Variants in RANBP17 observed in about 807,000 individuals in gnomAD.
RANBP17 encodes RAN binding protein 17, also known as ran-binding protein 17.
A neutral mutation model predicts 141.2 loss-of-function variants in RANBP17; 158 were observed. The observed-to-expected ratio is 1.12, with a 90% CI of 0.98 to 1.28. The LOEUF is 1.28. Ranked by LOEUF, RANBP17 falls within the 50% of genes most tolerant of loss-of-function variation. The probability of loss-of-function intolerance (pLI) is 0.00; values close to 1 mark genes in which losing one functional copy is unlikely to be tolerated. For synonymous variants in RANBP17, 430 were observed against 450.0 expected (o/e 0.96, Z 0.56); for missense variants, 1,438 against 1,290.7 (o/e 1.11, Z -1.75).
chr5:170,959,086 T>C (rs1234981460), intron 13 of RANBP17, among the ~76,000 whole-genome samples: 1 of 152,202 alleles, frequency 6.6e-6, no homozygotes, highest in Non-Finnish European at 1.5e-5. Flanking sequence ...ATAAATGTAA[T>C]CCACTAGTGC....
At chr5:171,184,699 C>T (rs1042878489) in intron 18 of RANBP17, among the ~76,000 whole-genome samples, 1 of 152,152 alleles carries the variant, frequency 6.6e-6, no homozygotes, top group East Asian at 1.9e-4. Context: ...TACATATGTA[C>T]CTCAAATATA....
intron 24 of RANBP17, among the ~76,000 whole-genome samples, chr5:171,262,845 T>C (rs1398544368): frequency 6.6e-6 from 1 of 152,204 alleles, no homozygotes; most frequent in Non-Finnish European, 1.5e-5. Context: ...GGTCCACGGC[T>C]GTCTTCTAGA....
intron 14 of RANBP17, among the ~76,000 whole-genome samples, chr5:171,092,476 A>G (rs979045252): frequency 6.6e-6 from 1 of 152,204 alleles, no homozygotes; most frequent in Non-Finnish European, 1.5e-5. Flanking sequence ...ATACTAAGAC[A>G]AAGAGGATCT....
intron 14 of RANBP17, among the ~76,000 whole-genome samples, chr5:171,088,514 T>G (rs1038092096): frequency 8.5e-5 from 13 of 152,348 alleles, no homozygotes; most frequent in Non-Finnish European, 1.9e-4. Flanking sequence ...TGGCCTGCCT[T>G]GCTAGATTGG....
At chr5:171,218,800 A>G (rs1245187445) in intron 21 of RANBP17, among the ~76,000 whole-genome samples, 1 of 147,830 alleles carries the variant, frequency 6.8e-6, no homozygotes, top group Non-Finnish European at 1.5e-5. Flanking sequence ...GTGTTTTTGC[A>G]TGTGAGATGG....
chr5:171,161,707 T>C (rs1033784887), intron 14 of RANBP17, among the ~76,000 whole-genome samples: 1 of 152,236 alleles, frequency 6.6e-6, no homozygotes, highest in Non-Finnish European at 1.5e-5. Context: ...TGTGGTTGCA[T>C]AGTACAAAAG....
At chr5:170,904,187 G>T (rs573768280) in intron 5 of RANBP17, 118 of 305,348 alleles carry the variant, frequency 3.9e-4, no homozygotes, top group Non-Finnish European at 6.2e-4. Flanking sequence ...AGACCAGCCT[G>T]TCCCTCCTGT....
At chr5:171,141,468 G>A (rs867830629) in intron 14 of RANBP17, among the ~76,000 whole-genome samples, 3 of 150,772 alleles carry the variant, frequency 2.0e-5, no homozygotes, top group African/African-American at 4.9e-5. Context: ...TTAGCCAGGC[G>A]TGGTGGTGGG....
chr5:171,224,418 G>A (rs970584725), intron 22 of RANBP17, among the ~76,000 whole-genome samples: 2 of 152,222 alleles, frequency 1.3e-5, no homozygotes, highest in East Asian at 3.9e-4. Context: ...CACTAGGGCT[G>A]TTAAGGGAAG....
At chr5:171,278,189 A>T (rs1466932846) in intron 25 of RANBP17, among the ~76,000 whole-genome samples, 2 of 151,884 alleles carry the variant, frequency 1.3e-5, no homozygotes, top group East Asian at 3.9e-4. Context: ...GTTCCTGACC[A>T]GCCTGGGCAA....
At chr5:171,202,184 A>C (rs1762335002) in intron 19 of RANBP17, among the ~76,000 whole-genome samples, 1 of 152,228 alleles carries the variant, frequency 6.6e-6, no homozygotes, top group Admixed American at 6.5e-5. Flanking sequence ...TTCTTAATAA[A>C]ATTGAAGAAA....
At chr5:170,992,006 A>G (rs1479456944) in intron 14 of RANBP17, among the ~76,000 whole-genome samples, 2 of 152,018 alleles carry the variant, frequency 1.3e-5, no homozygotes, top group Non-Finnish European at 2.9e-5. Flanking sequence ...TATGGTGATT[A>G]TACATGTTGT....
At chr5:171,051,371 A>G (rs1782940506) in intron 14 of RANBP17, among the ~76,000 whole-genome samples, 2 of 152,136 alleles carry the variant, frequency 1.3e-5, no homozygotes, top group South Asian at 2.1e-4. Context: ...CTTTGTACCT[A>G]TTAAGTAATC....
intron 14 of RANBP17, among the ~76,000 whole-genome samples, chr5:171,120,904 G>A (rs1755986771): frequency 3.9e-5 from 6 of 152,212 alleles, no homozygotes; most frequent in Non-Finnish European, 7.3e-5. Context: ...TTCATTGATA[G>A]ACAAAGATTT....
intron 14 of RANBP17, among the ~76,000 whole-genome samples, chr5:171,079,490 G>A (rs1785132765): frequency 2.0e-5 from 3 of 152,176 alleles, no homozygotes; most frequent in Admixed American, 6.5e-5. Flanking sequence ...ATTGTATGTT[G>A]CAGAGGAATT....
chr5:170,962,350 G>C (rs1776214439), intron 13 of RANBP17, among the ~76,000 whole-genome samples: 1 of 152,162 alleles, frequency 6.6e-6, no homozygotes, highest in Non-Finnish European at 1.5e-5. Flanking sequence ...CTTAAAATGA[G>C]TTGTAAAGGC....
chr5:171,160,314 A>G (rs1561717046), intron 14 of RANBP17, among the ~76,000 whole-genome samples: 2 of 152,144 alleles, frequency 1.3e-5, no homozygotes, highest in South Asian at 2.1e-4. Flanking sequence ...TCTAACTACT[A>G]CTAAAGCTAC....
chr5:171,279,068 A>ATCT (rs1208099110), intron 25 of RANBP17, among the ~76,000 whole-genome samples: 14 of 152,094 alleles, frequency 9.2e-5, no homozygotes, highest in Admixed American at 9.2e-4. Context: ...TATCACTGAG[A>ATCT]TCTTTCCTGG....
chr5:171,278,905 G>A (rs1200695474), intron 25 of RANBP17, among the ~76,000 whole-genome samples: 1 of 152,086 alleles, frequency 6.6e-6, no homozygotes, highest in East Asian at 1.9e-4. Context: ...CGTAAAATTC[G>A]CCTTCACTTT....
Sources: gnomAD v4.1 joint callset for allele counts (sites outside exome capture counted in the v4.1 genomes callset) on GRCh38, gnomAD v4.1.1 for gene constraint, MANE v1.5 for transcripts, NCBI Gene and HGNC (gene_info 2026-07-23, HGNC 2026-07-21) for gene names.